Variants in SEMA5A observed in about 807,000 individuals in gnomAD.
SEMA5A encodes the protein semaphorin-5A.
Under a neutral mutation model 135.5 loss-of-function variants are expected in SEMA5A, and 55 were observed. The observed-to-expected ratio is 0.41, with a 90% CI of 0.33 to 0.51. The LOEUF is 0.51. SEMA5A is among the 20% of genes least tolerant of loss of function. The pLI is 0.37. For missense variants in SEMA5A, 1,290 were observed against 1,419.9 expected (o/e 0.91, Z 1.47); for synonymous variants, 580 against 546.5 (o/e 1.06, Z -0.85).
At chr5:9,207,539 C>T (rs538370088) in intron 8 of SEMA5A, among the ~76,000 whole-genome samples, 12 of 152,156 alleles carry the variant, frequency 7.9e-5, no homozygotes, top group South Asian at 6.2e-4. Flanking sequence ...GATGAGTTAA[C>T]GGAAACAATA....
At chr5:9,361,323 A>T (rs976728965) in intron 3 of SEMA5A, among the ~76,000 whole-genome samples, 4 of 151,364 alleles carry the variant, frequency 2.6e-5, no homozygotes, top group African/African-American at 9.7e-5. Flanking sequence ...AATTGCAAAC[A>T]ACAACAACAA....
chr5:9,308,195 T>C (rs978318649), intron 5 of SEMA5A, among the ~76,000 whole-genome samples: 2 of 152,196 alleles, frequency 1.3e-5, no homozygotes, highest in African/African-American at 4.8e-5. Flanking sequence ...CCAGCTCTTA[T>C]GAAACAGGAC....
intron 5 of SEMA5A, among the ~76,000 whole-genome samples, chr5:9,287,238 C>T (rs940371867): frequency 2.0e-5 from 3 of 152,174 alleles, no homozygotes; most frequent in Non-Finnish European, 2.9e-5. Context: ...CCGAAAAATG[C>T]CATCTATATT....
At position 9,041,356 on chromosome 5, in the gene SEMA5A, G is replaced by A. The variant is rs786842; in HGVS notation, c.*1541C>T. The A allele has an allele frequency of 0.92, 139,950 of 152,298 alleles. 64,408 individuals carry two copies. The highest frequency in any genetic ancestry group is 0.96 in the East Asian group (5,004 of 5,190). The allele number at this position is 152,298 out of a possible 1,614,324, so 9.4% of individuals were successfully genotyped here. ...GGTTCATTTGTAAGAACACGTTTCCGTGTCTACCCAGGACTTTATCACATG... is the reference window on the plus strand; with the variant it reads ...GGTTCATTTGTAAGAACACGTTTCCATGTCTACCCAGGACTTTATCACATG... On this transcript the variant is annotated 3_prime_UTR_variant, in exon 23 of 23. Coordinates refer to ENST00000382496, the MANE Select transcript of SEMA5A (RefSeq NM_003966.3).
chr5:9,240,560 T>TAA (rs77717767), intron 5 of SEMA5A, among the ~76,000 whole-genome samples: 2 of 147,516 alleles, frequency 1.4e-5, no homozygotes, highest in African/African-American at 4.9e-5. Flanking sequence ...GACATGAAAT[T>TAA]AAAAAAAAAA....
chr5:9,268,087 T>C (rs1749776084), intron 5 of SEMA5A, among the ~76,000 whole-genome samples: 1 of 152,150 alleles, frequency 6.6e-6, no homozygotes, highest in Non-Finnish European at 1.5e-5. Context: ...ACCTATAGTA[T>C]TGGTTATACC....
At chr5:9,263,536 G>A (rs527825078) in intron 5 of SEMA5A, among the ~76,000 whole-genome samples, 15 of 152,220 alleles carry the variant, frequency 9.9e-5, no homozygotes, top group South Asian at 4.2e-4. Context: ...CCCAATGCTC[G>A]TGGAAAAATT....
chr5:9,177,820 T>C (rs3777281), intron 11 of SEMA5A, among the ~76,000 whole-genome samples: 31,226 of 152,220 alleles, frequency 0.21, 3,369 homozygotes, highest in South Asian at 0.25. Flanking sequence ...ATGAGGATAC[T>C]GGAAATGGAC....
intron 1 of SEMA5A, among the ~76,000 whole-genome samples, chr5:9,476,589 G>T (rs771487336): frequency 6.6e-6 from 1 of 152,176 alleles, no homozygotes; most frequent in South Asian, 2.1e-4. Context: ...TCCACACAGA[G>T]CTCAAACCAC....
chr5:9,111,481 G>A (rs1239928196), intron 15 of SEMA5A, among the ~76,000 whole-genome samples: 3 of 152,136 alleles, frequency 2.0e-5, no homozygotes, highest in African/African-American at 4.8e-5. Flanking sequence ...TGTTATTATT[G>A]TAAAAATCTA....
chr5:9,473,779 C>T (rs1759569071), intron 1 of SEMA5A, among the ~76,000 whole-genome samples: 1 of 152,128 alleles, frequency 6.6e-6, no homozygotes, highest in South Asian at 2.1e-4. Flanking sequence ...GAAGGGCACA[C>T]ATGCATCAGC....
intron 1 of SEMA5A, among the ~76,000 whole-genome samples, chr5:9,526,484 G>A (rs566808821): frequency 1.2e-4 from 19 of 152,120 alleles, no homozygotes; most frequent in Non-Finnish European, 2.1e-4. Flanking sequence ...TTCACTGCCT[G>A]GTAAAGACTT....
rs574649475 is a variant in SEMA5A, at chr5:9,276,594, A to G, written c.271-38704T>C. On this transcript the variant is annotated intron_variant, in intron 5 of 22. Coordinates refer to ENST00000382496, the MANE Select transcript of SEMA5A (RefSeq NM_003966.3). ...CAAGGCTACAGTAAAACAGTATGGT[A>G]CTGGTACCAAAACACATATATATAT... Among the ~76,000 whole-genome samples the G allele has an allele frequency of 2.6e-5, 4 of 152,336 alleles. No individual in the cohort carries two copies. The South Asian group carries it at 8.3e-4, about 32-fold the overall frequency.
chr5:9,198,485 C>T (rs1745535627), intron 9 of SEMA5A, among the ~76,000 whole-genome samples: 1 of 152,156 alleles, frequency 6.6e-6, no homozygotes, highest in Non-Finnish European at 1.5e-5. Context: ...CAATCCTTTG[C>T]AATATCTGTG....
chr5:9,144,302 G>A (rs1742214243), intron 12 of SEMA5A, among the ~76,000 whole-genome samples: 1 of 152,144 alleles, frequency 6.6e-6, no homozygotes, highest in South Asian at 2.1e-4. Context: ...GGGTTTAAGG[G>A]TCAACAATTA....
At chr5:9,052,892 C>G (rs1224083528) in intron 19 of SEMA5A, among the ~76,000 whole-genome samples, 3 of 151,858 alleles carry the variant, frequency 2.0e-5, no homozygotes, top group African/African-American at 7.3e-5. Flanking sequence ...CTTTTTTCCC[C>G]TTTTTAAATA....
intron 10 of SEMA5A, among the ~76,000 whole-genome samples, chr5:9,194,437 A>G (rs936709142): frequency 6.6e-6 from 1 of 152,170 alleles, no homozygotes; most frequent in Non-Finnish European, 1.5e-5. Flanking sequence ...AGTAGGAAAA[A>G]CAAGAATTTA....
chr5:9,377,476 G>A (rs1438197940), intron 3 of SEMA5A, among the ~76,000 whole-genome samples: 1 of 151,816 alleles, frequency 6.6e-6, no homozygotes, highest in Non-Finnish European at 1.5e-5. Context: ...TATTTCTACT[G>A]GTTTTAAAGC....
At chr5:9,237,784 C>T in intron 6 of SEMA5A, 44 bp downstream of exon 6, 1 of 1,578,464 alleles carries the variant, frequency 6.3e-7, no homozygotes, top group Non-Finnish European at 8.7e-7. Context: ...GTGTAGAGTC[C>T]TTCAAGACAG....
Sources: allele counts gnomAD v4.1 joint callset (sites outside exome capture counted in the v4.1 genomes callset), GRCh38; gene constraint gnomAD v4.1.1; transcripts MANE v1.5; gene names NCBI Gene and HGNC (gene_info 2026-07-23, HGNC 2026-07-21).